TMEM108: variants seen among roughly 807,000 people sequenced by gnomAD.
TMEM108 encodes the protein transmembrane protein 108, also known as cancer/testis antigen 124.
In TMEM108, 12 loss-of-function variants were observed where a neutral mutation model predicts 35.1. The observed-to-expected ratio is 0.34, with a 90% CI of 0.22 to 0.55. The LOEUF is 0.55. TMEM108 is among the 20% of genes least tolerant of loss of function. TMEM108 has a pLI of 0.89. For synonymous variants in TMEM108, 287 were observed against 308.6 expected (o/e 0.93, Z 0.73); for missense variants, 680 against 753.3 (o/e 0.90, Z 1.14).
chr3:133,200,595 C>T (rs754955846), intron 2 of TMEM108, among the ~76,000 whole-genome samples: 4 of 152,166 alleles, frequency 2.6e-5, no homozygotes, highest in African/African-American at 2.4e-5. Context: ...CAACTTTTAG[C>T]GGATTTAAAG....
intron 2 of TMEM108, among the ~76,000 whole-genome samples, chr3:133,183,576 A>G (rs1945378492): frequency 1.3e-5 from 2 of 152,134 alleles, no homozygotes; most frequent in South Asian, 4.2e-4. Flanking sequence ...AGAGAATGAA[A>G]AGGGGGTAGA....
At position 133,061,325 on chromosome 3, in the gene TMEM108, C is replaced by T. The variant is rs867321550; in HGVS notation, c.-47+15305C>T. Among the ~76,000 whole-genome samples, 7 of 151,974 alleles carry T rather than the reference C, an allele frequency of 4.6e-5. 1 individual carries two copies. In the Middle Eastern group the frequency reaches 0.017, roughly 369 times the overall value. ...ATCCCGGGTTCACGCCATTCTCCACCTCAGCCTCCCAAGCAGCTGGGACTA... is the reference window on the plus strand; with the variant it reads ...ATCCCGGGTTCACGCCATTCTCCACTTCAGCCTCCCAAGCAGCTGGGACTA... On this transcript the variant is annotated intron_variant, in intron 2 of 5. Transcript: ENST00000321871.
At chr3:133,085,175 G>A (rs915164479) in intron 2 of TMEM108, among the ~76,000 whole-genome samples, 1 of 152,150 alleles carries the variant, frequency 6.6e-6, no homozygotes, top group African/African-American at 2.4e-5. Context: ...AATACAGCCT[G>A]TTCAAAGCAT....
intron 2 of TMEM108, among the ~76,000 whole-genome samples, chr3:133,089,456 A>T (rs1943921878): frequency 6.6e-6 from 1 of 152,174 alleles, no homozygotes; most frequent in Non-Finnish European, 1.5e-5. Context: ...GCTGTAGTTA[A>T]TTCATTTTTG....
chr3:133,082,056 G>A (rs1281924058), intron 2 of TMEM108, among the ~76,000 whole-genome samples: 1 of 152,174 alleles, frequency 6.6e-6, no homozygotes, highest in Non-Finnish European at 1.5e-5. Context: ...ACTCCTTGTG[G>A]CAGATTTTGT....
chr3:133,049,140 A>G (rs1943374040), intron 2 of TMEM108, among the ~76,000 whole-genome samples: 1 of 152,194 alleles, frequency 6.6e-6, no homozygotes, highest in Admixed American at 6.5e-5. Context: ...GGGAGGGCGC[A>G]GATAAAGTAT....
intron 3 of TMEM108, among the ~76,000 whole-genome samples, chr3:133,298,943 A>G (rs764801627): frequency 2.6e-5 from 4 of 152,194 alleles, no homozygotes; most frequent in Non-Finnish European, 5.9e-5. Context: ...TAGGTTTTCC[A>G]AGAGATCTGC....
intron 2 of TMEM108, among the ~76,000 whole-genome samples, chr3:133,171,888 G>T (rs1384356759): frequency 3.3e-5 from 5 of 152,152 alleles, no homozygotes; most frequent in African/African-American, 1.2e-4. Context: ...GAATCAAGAA[G>T]TACCAGTGGC....
At chr3:133,135,915 T>G (rs1944558530) in intron 2 of TMEM108, among the ~76,000 whole-genome samples, 1 of 152,186 alleles carries the variant, frequency 6.6e-6, no homozygotes, top group Non-Finnish European at 1.5e-5. Flanking sequence ...AAACGTTTTA[T>G]GTGCTTCAGG....
At chr3:133,167,788 C>T (rs965576149) in intron 2 of TMEM108, among the ~76,000 whole-genome samples, 10 of 152,170 alleles carry the variant, frequency 6.6e-5, no homozygotes, top group South Asian at 2.1e-4. Context: ...CACACCTTCC[C>T]GCAAGCAGAG....
chr3:133,082,520 G>A (rs953423754), intron 2 of TMEM108, among the ~76,000 whole-genome samples: 3 of 152,168 alleles, frequency 2.0e-5, no homozygotes, highest in Admixed American at 6.5e-5. Context: ...TGACTTGGAC[G>A]CTTCTGGTTG....
At position 133,134,531 on chromosome 3, in the gene TMEM108, TA is replaced by T. The variant is rs1347002596; in HGVS notation, c.-47+88513del. Among the ~76,000 whole-genome samples, 5 of 151,910 alleles carry T rather than the reference TA, an allele frequency of 3.3e-5. No individual in the cohort carries two copies. The Admixed American group carries it at 3.3e-4, about 10-fold the overall frequency. ...CCTAAAATGCTTGTAATTTCCTGAGTAATAGGGGTGCTTATTAACGCTATTT... is the reference window on the plus strand; with the variant it reads ...CCTAAAATGCTTGTAATTTCCTGAGTATAGGGGTGCTTATTAACGCTATTT... On this transcript the variant is annotated intron_variant, in intron 2 of 5. Transcript: ENST00000321871.
intron 2 of TMEM108, among the ~76,000 whole-genome samples, chr3:133,140,525 C>G (rs889362838): frequency 7.2e-5 from 11 of 152,304 alleles, no homozygotes; most frequent in Non-Finnish European, 1.3e-4. Flanking sequence ...AGATATTCTG[C>G]TGGATAATAT....
chr3:133,197,551 C>T lies in TMEM108; in HGVS notation c.-46-31715C>T, dbSNP rs146178485. Among the ~76,000 whole-genome samples, 550 of 152,206 alleles carry T rather than the reference C, an allele frequency of 3.6e-3. 5 individuals are homozygous for T. The highest frequency in any genetic ancestry group is 0.012 in the African/African-American group (502 of 41,510). On this transcript the variant is annotated intron_variant, in intron 2 of 5. Transcript: ENST00000321871. ...TTTCTCTATTGGCTCCTAGGACTTG[C>T]CCCCAGGGATATTAACTCCCTGTAT...
At chr3:133,112,537 G>A (rs1194080369) in intron 2 of TMEM108, among the ~76,000 whole-genome samples, 2 of 152,148 alleles carry the variant, frequency 1.3e-5, no homozygotes, top group Non-Finnish European at 2.9e-5. Context: ...AAGAAATTCT[G>A]TGTCGTCTAG....
intron 3 of TMEM108, among the ~76,000 whole-genome samples, chr3:133,349,271 T>G (rs1367963917): frequency 6.6e-6 from 1 of 152,158 alleles, no homozygotes; most frequent in African/African-American, 2.4e-5. Flanking sequence ...CATTCAAATC[T>G]AGGGTTGAAT....
At chr3:133,384,524 G>A (rs2073097305) in intron 4 of TMEM108, among the ~76,000 whole-genome samples, 1 of 152,198 alleles carries the variant, frequency 6.6e-6, no homozygotes, top group African/African-American at 2.4e-5. Flanking sequence ...TCTCTCCTGA[G>A]CCCTGCCAGA....
chr3:133,164,141 T>C (rs1369388125), intron 2 of TMEM108, among the ~76,000 whole-genome samples: 1 of 152,216 alleles, frequency 6.6e-6, no homozygotes, highest in East Asian at 1.9e-4. Context: ...CACAACCATC[T>C]CTATGTGTCT....
intron 2 of TMEM108, among the ~76,000 whole-genome samples, chr3:133,115,301 C>T (rs779554494): frequency 2.0e-5 from 3 of 152,220 alleles, no homozygotes; most frequent in Non-Finnish European, 2.9e-5. Flanking sequence ...AATTCCCACA[C>T]ACCAAGGATA....
Sources: allele counts gnomAD v4.1 joint callset (sites outside exome capture counted in the v4.1 genomes callset), GRCh38; gene constraint gnomAD v4.1.1; transcripts MANE v1.5; gene names NCBI Gene and HGNC (gene_info 2026-07-23, HGNC 2026-07-21).